Variants in TENM3 observed in about 807,000 individuals in gnomAD.
TENM3 encodes teneurin-3.
TENM3 carries 63 observed loss-of-function variants against 255.1 expected under a neutral mutation model. That is an observed-to-expected ratio of 0.25 (90% confidence interval 0.20 to 0.30). The LOEUF (loss-of-function observed/expected upper bound fraction) is 0.30. Among genes scored for constraint, TENM3 ranks in the 10% least tolerant of loss-of-function variants. TENM3 has a pLI of 1.00. For synonymous variants in TENM3, 1,306 were observed against 1,322.3 expected, an observed-to-expected ratio of 0.99 and a Z score of 0.27; for missense variants, 2,929 against 3,461.1, an observed-to-expected ratio of 0.85 and a Z score of 3.86.
chr4:182,200,342 A>G (rs972878262), intron 1 of TENM3, among the ~76,000 whole-genome samples: 4 of 152,254 alleles, frequency 2.6e-5, no homozygotes, highest in African/African-American at 9.6e-5. Context: ...TCAAACACTG[A>G]GAATAAAGGG....
intron 12 of TENM3, among the ~76,000 whole-genome samples, chr4:182,712,611 G>A (rs919161506): frequency 1.3e-5 from 2 of 152,136 alleles, no homozygotes; most frequent in Admixed American, 1.3e-4. Context: ...AGTCGAAATA[G>A]TCTTCTTTCT....
intron 3 of TENM3, among the ~76,000 whole-genome samples, chr4:182,446,172 C>T (rs1772897403): frequency 6.6e-6 from 1 of 152,234 alleles, no homozygotes; most frequent in Non-Finnish European, 1.5e-5. Context: ...ACTGCTACTG[C>T]TCAGCTTCGT....
At chr4:182,464,816 A>G (rs755728451) in intron 3 of TENM3, among the ~76,000 whole-genome samples, 10 of 152,178 alleles carry the variant, frequency 6.6e-5, no homozygotes, top group Non-Finnish European at 1.0e-4. Flanking sequence ...CTTATAACCT[A>G]TTACCTTATA....
At chr4:181,556,851 C>T in the TENM3 span, among the ~76,000 whole-genome samples, 1 of 152,114 alleles carries the variant, frequency 6.6e-6, no homozygotes, top group Non-Finnish European at 1.5e-5. Flanking sequence ...TAACTTGCAA[C>T]ATCTCAAGTG....
At chr4:182,780,641 T>A (rs1765095301) in intron 24 of TENM3, among the ~76,000 whole-genome samples, 1 of 142,688 alleles carries the variant, frequency 7.0e-6, no homozygotes, top group Non-Finnish European at 1.5e-5. Flanking sequence ...GTAAATTACC[T>A]TGGGCAGTAT....
At chr4:181,628,932 GC>G in the TENM3 span, among the ~76,000 whole-genome samples, 211 of 152,190 alleles carry the variant, frequency 1.4e-3, 2 homozygotes, top group Admixed American at 0.013. Context: ...GGGCAGTATG[GC>G]CATTTTCACG....
intron 3 of TENM3, among the ~76,000 whole-genome samples, chr4:182,391,519 G>C (rs924864262): frequency 6.6e-6 from 1 of 152,242 alleles, no homozygotes; most frequent in African/African-American, 2.4e-5. Context: ...ACGGCTGTTA[G>C]AAATGAGGAC....
the TENM3 span, among the ~76,000 whole-genome samples, chr4:181,622,845 C>T: frequency 6.6e-6 from 1 of 152,126 alleles, no homozygotes; most frequent in Non-Finnish European, 1.5e-5. Flanking sequence ...TTATTGAATG[C>T]CTGGTTTTTA....
At chr4:181,499,135 C>T in the TENM3 span, among the ~76,000 whole-genome samples, 1 of 152,126 alleles carries the variant, frequency 6.6e-6, no homozygotes, top group Non-Finnish European at 1.5e-5. Context: ...CAACACTGAA[C>T]AGGATGACCA....
chr4:181,648,520 T>C, the TENM3 span, among the ~76,000 whole-genome samples: 1 of 152,314 alleles, frequency 6.6e-6, no homozygotes, highest in East Asian at 1.9e-4. Flanking sequence ...AAAACTCTCA[T>C]GGCAGTTTCT....
At chr4:182,502,439 T>G (rs1303554403) in intron 3 of TENM3, among the ~76,000 whole-genome samples, 1 of 152,222 alleles carries the variant, frequency 6.6e-6, no homozygotes, top group Non-Finnish European at 1.5e-5. Context: ...GACCTCACAT[T>G]CATTGGATAT....
chr4:182,336,406 A>G (rs1764143465), intron 2 of TENM3, among the ~76,000 whole-genome samples: 1 of 152,246 alleles, frequency 6.6e-6, no homozygotes, highest in Non-Finnish European at 1.5e-5. Flanking sequence ...AGAAGCTCTC[A>G]TTATAGTGTG....
At chr4:182,538,221 T>C (rs541057571) in intron 3 of TENM3, among the ~76,000 whole-genome samples, 1 of 152,298 alleles carries the variant, frequency 6.6e-6, no homozygotes, top group Non-Finnish European at 1.5e-5. Context: ...TTAACAATTA[T>C]TTATGGAGTT....
intron 3 of TENM3, among the ~76,000 whole-genome samples, chr4:182,349,282 A>G (rs770851935): frequency 6.6e-6 from 1 of 152,330 alleles, no homozygotes; most frequent in Non-Finnish European, 1.5e-5. Flanking sequence ...TTAAAGAAAG[A>G]AACAAAAGAG....
In TENM3 at chr4:182,799,924, A is replaced by G; in HGVS notation, c.7673A>G (p.Asp2558Gly). ...ATCAAGACCACCACGCCCGAGAGCG[A>G]CCTGGGCACGCTGCGGTTGACCAGC... ...YFIKTTTPES[D>G]LGTLRLTSGR... Residue 2558 changes from aspartate (D) to glycine (G), a missense_variant, in exon 28 of 28, where the codon GAC (aspartate) becomes GGC (glycine). By Grantham distance (94) the Asp-to-Gly change is moderately conservative. Coordinates refer to ENST00000511685, the MANE Select transcript of TENM3 (RefSeq NM_001080477.4). The surrounding 1 kb of genome is among the most constrained non-coding windows in gnomAD (Gnocchi z 4.2). 1 of 1,602,300 alleles carries G rather than the reference A, an allele frequency of 6.2e-7. No individual in the cohort carries two copies. Among genetic ancestry groups the G allele is most frequent in the Non-Finnish European group, 8.5e-7 (1 of 1,174,740 alleles).
At chr4:181,489,832 G>T in the TENM3 span, among the ~76,000 whole-genome samples, 28 of 152,016 alleles carry the variant, frequency 1.8e-4, no homozygotes, top group African/African-American at 6.8e-4. Flanking sequence ...AGTAATTATG[G>T]TTCATTTATA....
chr4:181,888,548 A>G, the TENM3 span, among the ~76,000 whole-genome samples: 850 of 99,758 alleles, frequency 8.5e-3, 33 homozygotes, highest in African/African-American at 0.03. Flanking sequence ...ATATATATAT[A>G]TGTATATATA....
At chr4:181,984,636 A>G in the TENM3 span, among the ~76,000 whole-genome samples, 6 of 152,130 alleles carry the variant, frequency 3.9e-5, no homozygotes, top group Non-Finnish European at 7.4e-5. Context: ...CAACAGGGGC[A>G]GAGTAGCATG....
In TENM3 at chr4:182,799,163, G is replaced by A. The variant is rs1766710456; in HGVS notation, c.7345-433G>A. 6.6e-6 allele frequency among the ~76,000 whole-genome samples: 1 copy of A among 152,098 alleles called. No homozygotes were observed. Among genetic ancestry groups the A allele is most frequent in the Admixed American group, 6.6e-5 (1 of 15,262 alleles). On this transcript the variant is annotated intron_variant, in intron 27 of 27. Transcript: ENST00000511685. The surrounding 1 kb of genome is among the most constrained non-coding windows in gnomAD (Gnocchi z 4.2). ...GCATACGAAGCGGGGCCCTGTGATC[G>A]GCACTAAGTATCCCCAGCCGTTCAG...
Sources: gnomAD v4.1 joint callset for allele counts (sites outside exome capture counted in the v4.1 genomes callset) on GRCh38, gnomAD v4.1.1 for gene constraint, Gnocchi (gnomAD v3.1) non-coding constraint, MANE v1.5 for transcripts, NCBI Gene and HGNC (gene_info 2026-07-23, HGNC 2026-07-21) for gene names.